Variants in ATP10D observed in about 807,000 individuals in gnomAD.
ATP10D encodes the protein ATPase phospholipid transporting 10D (putative).
ATP10D carries 89 observed loss-of-function variants against 144.8 expected under a neutral mutation model. That is an observed-to-expected ratio of 0.61 (90% CI 0.52 to 0.73). The LOEUF (loss-of-function observed/expected upper bound fraction) is 0.73, where lower values mean the gene tolerates loss of function less well. ATP10D is among the 30% of genes least tolerant of loss of function. ATP10D has a pLI of 0.00. For synonymous variants in ATP10D, 571 were observed against 615.1 expected (o/e 0.93, Z 1.06); for missense variants, 1,603 against 1,714.8 (o/e 0.93, Z 1.15).
rs561291437 is a variant in ATP10D at position 47,507,426 on chromosome 4, G to A, written c.-37-5078G>A. On this transcript the variant is annotated intron_variant, in intron 1 of 22. Coordinates refer to ENST00000273859, the MANE Select transcript of ATP10D (RefSeq NM_020453.4). The stretch of plus-strand genomic sequence containing the variant: ...CAGGTTTTAGAAATACACTAGAAGA[G>A]AAAATAATGCCCTCTTGAAAGAGTC... Among the ~76,000 whole-genome samples the A allele has an allele frequency of 4.1e-4, 63 of 152,240 alleles. 1 individual carries two copies. The highest frequency in any genetic ancestry group is 1.4e-3 in the African/African-American group (59 of 41,536).
At chr4:47,579,291 T>A (rs1273836281) in intron 19 of ATP10D, among the ~76,000 whole-genome samples, 1 of 152,222 alleles carries the variant, frequency 6.6e-6, no homozygotes, top group Non-Finnish European at 1.5e-5. Flanking sequence ...ATTAACCCGA[T>A]AAATATTTGT....
chr4:47,561,355 A>T (rs1719285969), intron 14 of ATP10D, among the ~76,000 whole-genome samples: 1 of 152,184 alleles, frequency 6.6e-6, no homozygotes, highest in Non-Finnish European at 1.5e-5. Flanking sequence ...TGTTCCAATA[A>T]ATATCTTGGT....
chr4:47,488,267 A>G (rs899624996), intron 1 of ATP10D, among the ~76,000 whole-genome samples: 6 of 152,006 alleles, frequency 3.9e-5, no homozygotes, highest in African/African-American at 9.7e-5. Context: ...GAAATTTAAT[A>G]TATTATCTTA....
In ATP10D at chr4:47,536,218, G is replaced by A. The variant is rs181261975; in HGVS notation, c.1015+185G>A. Among the ~76,000 whole-genome samples the A allele has an allele frequency of 6.8e-4, 103 of 151,950 alleles. 1 individual carries two copies. The East Asian group carries it at 0.013, about 20-fold the overall frequency. ...ATTAATATTGACTCTATCCATTTAC[G>A]TTTTGCCATAGTACTGAAGAAACCT... On this transcript the variant is annotated intron_variant, in intron 7 of 22. Transcript: ENST00000273859.
chr4:47,571,736 A>T (rs1237666708), intron 16 of ATP10D, among the ~76,000 whole-genome samples: 2 of 152,144 alleles, frequency 1.3e-5, no homozygotes, highest in Non-Finnish European at 2.9e-5. Context: ...TCTGATCTTT[A>T]AAAAAAGTAT....
intron 1 of ATP10D, among the ~76,000 whole-genome samples, chr4:47,505,311 G>C (rs1279892522): frequency 6.6e-6 from 1 of 152,184 alleles, no homozygotes; most frequent in Non-Finnish European, 1.5e-5. Context: ...ACTTAGCATA[G>C]AGTAGTGATT....
chr4:47,536,111 A>G, intron 7 of ATP10D, 78 bp downstream of exon 7: 1 of 1,501,442 alleles, frequency 6.7e-7, no homozygotes, highest in Non-Finnish European at 9.1e-7. Context: ...ATATCTGTGA[A>G]TATTTGACTT....
intron 1 of ATP10D, among the ~76,000 whole-genome samples, chr4:47,500,529 T>G (rs1715627866): frequency 6.6e-6 from 1 of 152,248 alleles, no homozygotes; most frequent in African/African-American, 2.4e-5. Flanking sequence ...ATTTGCGGAC[T>G]GACATGATGT....
intron 18 of ATP10D, among the ~76,000 whole-genome samples, chr4:47,575,924 C>CT (rs564960460): frequency 0.046 from 3,771 of 82,252 alleles, 40 homozygotes; most frequent in African/African-American, 0.055. Flanking sequence ...ACTGGGGTCC[C>CT]TTTTTTTTTT....
chr4:47,509,412 A>G (rs918856511), intron 1 of ATP10D, among the ~76,000 whole-genome samples: 1 of 152,166 alleles, frequency 6.6e-6, no homozygotes, highest in Non-Finnish European at 1.5e-5. Context: ...TTTGTTTTAA[A>G]AACTTTTGAA....
chr4:47,585,578 G>A (rs887590279), intron 21 of ATP10D, among the ~76,000 whole-genome samples: 2 of 151,958 alleles, frequency 1.3e-5, no homozygotes, highest in Non-Finnish European at 2.9e-5. Context: ...TCAAATAGTA[G>A]GTCTTAGTCA....
intron 15 of ATP10D, among the ~76,000 whole-genome samples, chr4:47,568,125 A>T (rs992239642): frequency 1.3e-5 from 2 of 152,254 alleles, no homozygotes; most frequent in African/African-American, 4.8e-5. Context: ...ATTAAAAGTG[A>T]TAACTGCCTT....
intron 1 of ATP10D, among the ~76,000 whole-genome samples, chr4:47,497,964 C>G (rs1049227147): frequency 6.6e-6 from 1 of 152,200 alleles, no homozygotes; most frequent in Non-Finnish European, 1.5e-5. Flanking sequence ...ATGTTGGCAT[C>G]AAACAATTCA....
intron 19 of ATP10D, among the ~76,000 whole-genome samples, chr4:47,579,302 T>G (rs1720390763): frequency 6.6e-6 from 1 of 152,226 alleles, no homozygotes; most frequent in Non-Finnish European, 1.5e-5. Flanking sequence ...AAATATTTGT[T>G]GGGCACCTGG....
intron 1 of ATP10D, among the ~76,000 whole-genome samples, chr4:47,488,725 C>T (rs1328484681): frequency 1.3e-5 from 2 of 151,992 alleles, no homozygotes; most frequent in Non-Finnish European, 2.9e-5. Flanking sequence ...ATGTTTGTTC[C>T]CTCCCTTTCT....
intron 1 of ATP10D, among the ~76,000 whole-genome samples, chr4:47,502,207 G>A (rs1477177984): frequency 6.6e-6 from 1 of 152,178 alleles, no homozygotes; most frequent in African/African-American, 2.4e-5. Flanking sequence ...GGGCGCGGTG[G>A]TTTGTGCCTG....
rs1277942634 is a variant in ATP10D at position 47,593,359 on chromosome 4, T to C, written c.*1978T>C. 2 of 152,240 alleles carry C rather than the reference T, an allele frequency of 1.3e-5. No homozygotes were observed. Among genetic ancestry groups the C allele is most frequent in the Non-Finnish European group, 2.9e-5 (2 of 67,966 alleles). The allele number at this position is 152,240 out of a possible 1,614,324, so 9.4% of individuals were successfully genotyped here. ...AACAAATGTAAAGCTATTTATGTAC[T>C]TTGCTTAATGTAATCATTCATATAC... On this transcript the variant is annotated 3_prime_UTR_variant, in exon 23 of 23. Coordinates refer to ENST00000273859, the MANE Select transcript of ATP10D (RefSeq NM_020453.4).
chr4:47,511,285 GTT>G (rs149123886), intron 1 of ATP10D, among the ~76,000 whole-genome samples: 1 of 151,210 alleles, frequency 6.6e-6, no homozygotes, highest in Non-Finnish European at 1.5e-5. Flanking sequence ...CAAAAGAACT[GTT>G]TTTTTTTCTT....
intron 1 of ATP10D, among the ~76,000 whole-genome samples, chr4:47,496,277 C>A (rs4393976): frequency 0.22 from 33,778 of 151,278 alleles, 4,249 homozygotes; most frequent in East Asian, 0.61. Flanking sequence ...CCTGCCTCAG[C>A]CTCCGGAGTA....
Sources: gnomAD v4.1 joint callset for allele counts (sites outside exome capture counted in the v4.1 genomes callset) on GRCh38, gnomAD v4.1.1 for gene constraint, MANE v1.5 for transcripts, NCBI Gene and HGNC (gene_info 2026-07-23, HGNC 2026-07-21) for gene names.